TDRD3: variants seen among roughly 807,000 people sequenced by gnomAD.
TDRD3 encodes the protein tudor domain-containing protein 3.
A neutral mutation model predicts 86.7 loss-of-function variants in TDRD3; 45 were observed. The ratio of observed to expected loss-of-function variants is 0.52; its 90% CI spans 0.41 to 0.67. The LOEUF is 0.67. Among genes scored for constraint, TDRD3 ranks in the 30% least tolerant of loss-of-function variants. The pLI, the probability that TDRD3 is intolerant of heterozygous loss-of-function variation, is 0.00. For synonymous variants in TDRD3, 298 were observed against 301.7 expected, an observed-to-expected ratio of 0.99 and a Z score of 0.13; for missense variants, 814 against 889.0, an observed-to-expected ratio of 0.92 and a Z score of 1.07.
chr13:60,564,325 T>C (rs1705089576), intron 12 of TDRD3, among the ~76,000 whole-genome samples: 1 of 152,094 alleles, frequency 6.6e-6, no homozygotes, highest in South Asian at 2.1e-4. Flanking sequence ...ATCAAATACA[T>C]TTAAGAAATA....
intron 12 of TDRD3, among the ~76,000 whole-genome samples, chr13:60,549,024 A>T (rs996563330): frequency 6.6e-6 from 1 of 152,144 alleles, no homozygotes; most frequent in Non-Finnish European, 1.5e-5. Context: ...CATCTGCTGG[A>T]TGAACTATTA....
chr13:60,403,861 T>G, intron 1 of TDRD3, among the ~76,000 whole-genome samples: 1 of 152,274 alleles, frequency 6.6e-6, no homozygotes, highest in Non-Finnish European at 1.5e-5. Context: ...TTATAATATC[T>G]TTACAATAAT....
intron 12 of TDRD3, among the ~76,000 whole-genome samples, chr13:60,561,570 CAA>C (rs1415178890): frequency 1.8e-4 from 27 of 152,160 alleles, no homozygotes; most frequent in African/African-American, 6.3e-4. Flanking sequence ...TCATTTGAAA[CAA>C]GAGTGCTGAA....
At chr13:60,467,536 T>C (rs935870854) in intron 5 of TDRD3, among the ~76,000 whole-genome samples, 157 bp downstream of exon 5, 8 of 152,228 alleles carry the variant, frequency 5.3e-5, no homozygotes, top group Admixed American at 1.3e-4. Flanking sequence ...TCTAAGTGTA[T>C]TGTTTCTCTA....
chr13:60,541,862 G>C lies in TDRD3; in HGVS notation c.2118+6629G>C, dbSNP rs375041339. Among the ~76,000 whole-genome samples, 471 of 151,332 alleles carry C rather than the reference G, an allele frequency of 3.1e-3. 3 individuals carry two copies. The highest frequency in any genetic ancestry group is 0.01 in the African/African-American group (425 of 41,258). ...CTTGCCTCAACCTCCTGAGTAGCTA[G>C]GATTACAGGCATGGGCCACCATGCC... On this transcript the variant is annotated intron_variant, in intron 12 of 13. Transcript: ENST00000377881.
chr13:60,419,400 A>G (rs968061696), intron 1 of TDRD3, among the ~76,000 whole-genome samples: 4 of 152,196 alleles, frequency 2.6e-5, no homozygotes, highest in African/African-American at 9.7e-5. Context: ...CCTATCACTG[A>G]TAGCCTAAAG....
intron 12 of TDRD3, among the ~76,000 whole-genome samples, chr13:60,554,109 A>G (rs543534610): frequency 4.5e-4 from 69 of 152,314 alleles, no homozygotes; most frequent in African/African-American, 7.9e-4. Flanking sequence ...TTTTCGTTTT[A>G]GCTCTGGCAT....
chr13:60,495,546 C>T (rs1252404935), intron 8 of TDRD3, among the ~76,000 whole-genome samples: 1 of 152,038 alleles, frequency 6.6e-6, no homozygotes, highest in Non-Finnish European at 1.5e-5. Context: ...TCACTGCAGC[C>T]TCTGCCTCCT....
At chr13:60,564,120 GTT>G (rs1727124926) in intron 12 of TDRD3, among the ~76,000 whole-genome samples, 1 of 152,076 alleles carries the variant, frequency 6.6e-6, no homozygotes, top group Non-Finnish European at 1.5e-5. Context: ...TAGTTATTTA[GTT>G]TTATAAAACC....
At chr13:60,525,875 T>C (rs918316616) in intron 10 of TDRD3, among the ~76,000 whole-genome samples, 2 of 152,348 alleles carry the variant, frequency 1.3e-5, no homozygotes, top group Non-Finnish European at 2.9e-5. Flanking sequence ...TGGAACAAAG[T>C]GAAAAGATTT....
In TDRD3 at chr13:60,429,903, T is replaced by G. The variant is rs188635571; in HGVS notation, c.42-9785T>G. On this transcript the variant is annotated intron_variant, in intron 1 of 13. Transcript: ENST00000377881. Reference sequence around the variant, plus strand: ...TATGTTTTGAAAATATTTTGTAGAATAAACAAGGGCACCATGTTTAAGAAG... The same window carrying G: ...TATGTTTTGAAAATATTTTGTAGAAGAAACAAGGGCACCATGTTTAAGAAG... Among the ~76,000 whole-genome samples the G allele has an allele frequency of 6.6e-5, 10 of 152,286 alleles. No individual in the cohort carries two copies. In the East Asian group the frequency reaches 1.9e-3, roughly 29 times the overall value.
chr13:60,557,020 C>T (rs1032006104), intron 12 of TDRD3, among the ~76,000 whole-genome samples: 7 of 151,978 alleles, frequency 4.6e-5, no homozygotes, highest in South Asian at 2.1e-4. Context: ...GCCTGACCAA[C>T]GTGGAGAAAC....
chr13:60,529,251 T>C, intron 11 of TDRD3, 34 bp downstream of exon 11: 14 of 1,522,316 alleles, frequency 9.2e-6, no homozygotes, highest in Non-Finnish European at 1.1e-5. Context: ...TACACTAATA[T>C]TACGAAATGT....
chr13:60,440,271 T>G (rs1955228258), intron 2 of TDRD3, among the ~76,000 whole-genome samples: 1 of 152,064 alleles, frequency 6.6e-6, no homozygotes, highest in Admixed American at 6.6e-5. Flanking sequence ...TATTAATGTT[T>G]TAGTGTATAT....
chr13:60,491,376 T>C (rs1292249649), intron 7 of TDRD3, among the ~76,000 whole-genome samples: 1 of 152,110 alleles, frequency 6.6e-6, no homozygotes, highest in Non-Finnish European at 1.5e-5. Context: ...GACATATGGA[T>C]GGTATTGAAA....
At chr13:60,499,088 C>T (rs1177078406) in intron 8 of TDRD3, among the ~76,000 whole-genome samples, 1 of 152,166 alleles carries the variant, frequency 6.6e-6, no homozygotes, top group African/African-American at 2.4e-5. Flanking sequence ...AAATGGAAGC[C>T]ATTAGAGCTG....
intron 1 of TDRD3, among the ~76,000 whole-genome samples, chr13:60,406,963 T>C (rs1490276975): frequency 6.6e-6 from 1 of 152,200 alleles, no homozygotes; most frequent in Non-Finnish European, 1.5e-5. Flanking sequence ...ATTAAATTTC[T>C]AAGTGGGACC....
chr13:60,467,051 A>C (rs1283991723), intron 4 of TDRD3, among the ~76,000 whole-genome samples, 187 bp from the exon 5 acceptor site: 1 of 152,034 alleles, frequency 6.6e-6, no homozygotes, highest in Non-Finnish European at 1.5e-5. Context: ...GATATGTGCC[A>C]TGGTGGTTTT....
At chr13:60,483,683 T>C in intron 5 of TDRD3, 92 bp from the exon 6 acceptor site, 1 of 1,131,718 alleles carries the variant, frequency 8.8e-7, no homozygotes, top group East Asian at 2.7e-5. Flanking sequence ...TATAAGAATC[T>C]ACTCAAATAG....
Sources: gnomAD v4.1 joint callset for allele counts (sites outside exome capture counted in the v4.1 genomes callset) on GRCh38, gnomAD v4.1.1 for gene constraint, MANE v1.5 for transcripts, NCBI Gene and HGNC (gene_info 2026-07-23, HGNC 2026-07-21) for gene names.